Variants in NCKAP5 observed in about 807,000 individuals in gnomAD.
NCKAP5 encodes the protein NCK associated protein 5, also known as nck-associated protein 5.
Under a neutral mutation model 167.0 loss-of-function variants are expected in NCKAP5, and 92 were observed. That is an observed-to-expected ratio of 0.55 (90% confidence interval 0.47 to 0.66). NCKAP5 has a LOEUF of 0.66. Among genes scored for constraint, NCKAP5 ranks in the 30% least tolerant of loss-of-function variants. NCKAP5 has a pLI of 0.00. For missense variants in NCKAP5, 2,378 were observed against 2,315.0 expected, an observed-to-expected ratio of 1.03 and a Z score of -0.56; for synonymous variants, 891 against 877.4, an observed-to-expected ratio of 1.02 and a Z score of -0.27.
At chr2:132,697,377 C>T (rs1687440489) in intron 19 of NCKAP5, among the ~76,000 whole-genome samples, 2 of 152,324 alleles carry the variant, frequency 1.3e-5, no homozygotes, top group Admixed American at 6.5e-5. Flanking sequence ...TGTTAACTCA[C>T]AAACCATCCA....
rs1399828022 is a variant in NCKAP5 at position 132,732,013 on chromosome 2, C to T, written c.5167G>A (p.Gly1723Arg). 17 of 1,613,464 alleles carry T rather than the reference C, an allele frequency of 1.1e-5. No individual in the cohort carries two copies. The highest frequency in any genetic ancestry group is 1.3e-5 in the African/African-American group (1 of 74,834). The change falls in exon 17 of 20, where the codon GGA becomes AGA. Residue 1723 changes from glycine (G) to arginine (R), a missense_variant. Transcript: ENST00000409261. ...CCCGAGTCTGGGAGTGGAAAGGTTC[C>T]GATCCCACTGTCCAATGTTCTCATC... ...CQMRTLDSGI[G>R]TFPLPDSGNR... is the part of the protein sequence containing the mutation.
chr2:133,570,005 A>G (rs145590104), upstream of NCKAP5, among the ~76,000 whole-genome samples: 86 of 152,336 alleles, frequency 5.6e-4, no homozygotes, highest in African/African-American at 2.0e-3. Flanking sequence ...AGTTCTTTGC[A>G]GCATTATTTG....
chr2:133,045,435 T>C (rs2149468526), intron 6 of NCKAP5, among the ~76,000 whole-genome samples: 1 of 152,214 alleles, frequency 6.6e-6, no homozygotes, highest in African/African-American at 2.4e-5. Flanking sequence ...AGATTAACTC[T>C]GAGACTGAAA....
At chr2:133,469,812 A>G (rs1157173621) in intron 3 of NCKAP5, among the ~76,000 whole-genome samples, 1 of 151,596 alleles carries the variant, frequency 6.6e-6, no homozygotes, top group Non-Finnish European at 1.5e-5. Context: ...TCGGCTCCTG[A>G]GGCTTCTACA....
chr2:132,684,408 G>A (rs2105066947), intron 19 of NCKAP5, among the ~76,000 whole-genome samples: 1 of 152,314 alleles, frequency 6.6e-6, no homozygotes, highest in African/African-American at 2.4e-5. Context: ...AAAGTTCACA[G>A]GGTCTTTACA....
chr2:133,479,640 A>G (rs1395379534), intron 3 of NCKAP5, among the ~76,000 whole-genome samples: 2 of 152,250 alleles, frequency 1.3e-5, no homozygotes, highest in Non-Finnish European at 2.9e-5. Context: ...ATGTATCAAC[A>G]AAAATAGAAC....
chr2:133,190,098 G>T (rs1054238571), intron 5 of NCKAP5, among the ~76,000 whole-genome samples: 2 of 152,054 alleles, frequency 1.3e-5, no homozygotes, highest in South Asian at 2.1e-4. Flanking sequence ...AATTCAATGT[G>T]CAAAAATCAC....
chr2:133,456,014 C>G (rs1449546384), intron 3 of NCKAP5, among the ~76,000 whole-genome samples: 4 of 152,138 alleles, frequency 2.6e-5, no homozygotes, highest in Non-Finnish European at 5.9e-5. Context: ...GGCTCTGTAT[C>G]TTTTGTGATG....
chr2:132,755,981 G>A (rs547424963), intron 16 of NCKAP5, among the ~76,000 whole-genome samples: 1 of 152,050 alleles, frequency 6.6e-6, no homozygotes, highest in South Asian at 2.1e-4. Flanking sequence ...TCTCCATAAT[G>A]CTTTAACTAT....
intron 4 of NCKAP5, among the ~76,000 whole-genome samples, chr2:133,220,882 G>C (rs1246567526): frequency 6.6e-6 from 1 of 152,142 alleles, no homozygotes; most frequent in Non-Finnish European, 1.5e-5. Flanking sequence ...AACCTGAATG[G>C]GAGAGCATGG....
intron 4 of NCKAP5, among the ~76,000 whole-genome samples, chr2:133,274,669 A>G (rs951320446): frequency 2.0e-5 from 3 of 152,076 alleles, no homozygotes; most frequent in African/African-American, 7.2e-5. Context: ...AAGAGACCCT[A>G]GAAACAGACT....
chr2:132,959,370 A>G (rs2076440546), intron 8 of NCKAP5, among the ~76,000 whole-genome samples: 1 of 152,150 alleles, frequency 6.6e-6, no homozygotes, highest in Admixed American at 6.5e-5. Flanking sequence ...CCTTGAGGCT[A>G]TCTAGCTAAG....
intron 6 of NCKAP5, among the ~76,000 whole-genome samples, chr2:133,015,711 A>G (rs757536469): frequency 1.3e-5 from 2 of 152,214 alleles, no homozygotes; most frequent in African/African-American, 2.4e-5. Context: ...CCTGAGATAC[A>G]AGACCCAGTC....
rs890732772 is a variant in NCKAP5 at position 133,256,984 on chromosome 2, C to T, written c.144-43205G>A. 4.6e-5 allele frequency among the ~76,000 whole-genome samples: 7 copies of T among 152,242 alleles called. No homozygotes were observed. The South Asian group carries it at 6.2e-4, about 14-fold the overall frequency. On this transcript the variant is annotated intron_variant, in intron 4 of 19. Coordinates refer to ENST00000409261, the MANE Select transcript of NCKAP5 (RefSeq NM_207363.3). Reference sequence around the variant, plus strand: ...CTCTACAGACTGTAGGACCTACGCGCGCACACAATCACTACTCAAAAGAAA... The same window carrying T: ...CTCTACAGACTGTAGGACCTACGCGTGCACACAATCACTACTCAAAAGAAA...
intron 6 of NCKAP5, among the ~76,000 whole-genome samples, chr2:133,077,134 A>C (rs905633219): frequency 6.6e-6 from 1 of 152,218 alleles, no homozygotes; most frequent in Non-Finnish European, 1.5e-5. Flanking sequence ...ACAGCAATGA[A>C]TTTCATTCAT....
At chr2:133,373,775 A>G (rs768139666) in intron 3 of NCKAP5, among the ~76,000 whole-genome samples, 8 of 152,240 alleles carry the variant, frequency 5.3e-5, no homozygotes, top group Non-Finnish European at 1.2e-4. Flanking sequence ...ACCCATATAA[A>G]TATAGTTAAC....
At chr2:133,352,344 C>T (rs903752565) in intron 3 of NCKAP5, among the ~76,000 whole-genome samples, 1 of 152,202 alleles carries the variant, frequency 6.6e-6, no homozygotes, top group Non-Finnish European at 1.5e-5. Context: ...TGACACTGTG[C>T]CTGACATGCA....
chr2:133,106,688 C>G (rs2081715594), intron 6 of NCKAP5, among the ~76,000 whole-genome samples: 1 of 152,166 alleles, frequency 6.6e-6, no homozygotes, highest in African/African-American at 2.4e-5. Flanking sequence ...ACTGTAAAAA[C>G]AGCAGTTTTT....
At chr2:133,099,345 G>A (rs2081434049) in intron 6 of NCKAP5, among the ~76,000 whole-genome samples, 1 of 152,060 alleles carries the variant, frequency 6.6e-6, no homozygotes. Context: ...TTCCAGGGTA[G>A]TTTCCCAGGT....
Sources: allele counts gnomAD v4.1 joint callset (sites outside exome capture counted in the v4.1 genomes callset), GRCh38; gene constraint gnomAD v4.1.1; transcripts MANE v1.5; gene names NCBI Gene and HGNC (gene_info 2026-07-23, HGNC 2026-07-21).